CDK11B: variants seen among roughly 807,000 people sequenced by gnomAD.
CDK11B encodes cyclin-dependent kinase 11B.
Under a neutral mutation model 84.0 loss-of-function variants are expected in CDK11B, and 37 were observed. That is an observed-to-expected ratio of 0.44 (90% CI 0.34 to 0.58). The LOEUF is 0.58. Among genes scored for constraint, CDK11B ranks in the 20% least tolerant of loss-of-function variants. The pLI is 0.02. For missense variants in CDK11B, 427 were observed against 834.0 expected (o/e 0.51, Z 6.01); for synonymous variants, 269 against 309.8 (o/e 0.87, Z 1.38).
In CDK11B at chr1:1,650,664, CTTTT is replaced by C. The variant is rs1185570412; in HGVS notation, c.356-1031_356-1028del. Among the ~76,000 whole-genome samples the C allele has an allele frequency of 1.1e-3, 129 of 114,992 alleles. 1 individual carries two copies. The highest frequency in any genetic ancestry group is 9.7e-3 in the Middle Eastern group (2 of 206). 75.4% of individuals were successfully genotyped at this position (114,992 alleles called of 152,430 possible). On this transcript the variant is annotated intron_variant, in intron 4 of 19. Transcript: ENST00000341832. Reference sequence around the variant, plus strand: ...ACAGTTGTGAGCCACCGCGCCCGGCCTTTTTTTTTTTTTTTTTTTTTTTTAAAGA... The same window carrying C: ...ACAGTTGTGAGCCACCGCGCCCGGCCTTTTTTTTTTTTTTTTTTTTAAAGA...
At chr1:1,654,169 T>C (rs1642410579) in intron 3 of CDK11B, 1 of 464,018 alleles carries the variant, frequency 2.2e-6, no homozygotes, top group African/African-American at 2.0e-5. Flanking sequence ...TTTCCTTTAA[T>C]TACTAATACC....
rs1272119556 is a variant in CDK11B at position 1,635,486 on chromosome 1, G to A, written c.*278C>T. ...CGGCCCAGCCAGCCCCGTGCGTGTC[G>A]AGAGTGGGAGAGGGTGTGTGGAGGT... On this transcript the variant is annotated 3_prime_UTR_variant, in exon 20 of 20. Transcript: ENST00000341832. The A allele has an allele frequency of 2.5e-5, 9 of 353,662 alleles. 2 individuals carry two copies. Among genetic ancestry groups the A allele is most frequent in the Admixed American group, 4.5e-5 (1 of 22,304 alleles). The allele number at this position is 353,662 out of a possible 1,614,324, so 21.9% of individuals were successfully genotyped here.
At position 1,636,883 on chromosome 1, in the gene CDK11B, C is replaced by T. The variant is rs757601275; in HGVS notation, c.1800+14G>A. The T allele has an allele frequency of 6.9e-5, 111 of 1,608,416 alleles. No individual in the cohort carries two copies. The East Asian group carries it at 2.2e-3, about 32-fold the overall frequency. ...GTGGGGGACAGGGGAGGCACTCAGA[C>T]GCCCAGGACTCACCTTGGCACCAAG... On this transcript the variant is annotated intron_variant, in intron 16 of 19. Transcript: ENST00000341832.
At position 1,640,520 on chromosome 1, in the gene CDK11B, G is replaced by A. The variant is rs1640119662; in HGVS notation, c.1076-68C>T. The stretch of plus-strand genomic sequence containing the variant: ...GATCATGAACCTCCTCCTGCCCCGG[G>A]GGCATCAAGCGCGTGGCAGGGCTGC... On this transcript the variant is annotated intron_variant, in intron 10 of 19. Coordinates refer to ENST00000341832, the MANE Select transcript of CDK11B (RefSeq NM_033486.3). The A allele has an allele frequency of 2.5e-6, 4 of 1,610,608 alleles. No individual in the cohort carries two copies. The African/African-American group carries it at 4.0e-5, about 16-fold the overall frequency.
Position 1,648,767 on chromosome 1 carries a change from A to G in CDK11B, c.494+732T>C, listed in dbSNP as rs371105865. Among the ~76,000 whole-genome samples, 403 of 152,226 alleles carry G rather than the reference A, an allele frequency of 2.6e-3. 7 individuals are homozygous for G. The highest frequency in any genetic ancestry group is 8.8e-3 in the African/African-American group (366 of 41,528). ...AATTCCAGACTGTTTCAAGGTTTTT[A>G]GGATCTCCCTTCTCCTTTTTTTGAG... is the stretch of plus-strand genomic sequence containing the variant. On this transcript the variant is annotated intron_variant, in intron 5 of 19. Transcript: ENST00000341832.
At chr1:1,656,646 T>G (rs1266312524) in intron 2 of CDK11B, among the ~76,000 whole-genome samples, 1 of 151,992 alleles carries the variant, frequency 6.6e-6, no homozygotes, top group African/African-American at 2.4e-5. Flanking sequence ...AAAAATTAGC[T>G]TGGCATGTTG....
At chr1:1,657,163 T>A (rs1259341803) in intron 2 of CDK11B, 1 of 1,589,766 alleles carries the variant, frequency 6.3e-7, no homozygotes, top group Non-Finnish European at 8.6e-7. Context: ...GTATGCTCAA[T>A]CTAGACACAG....
chr1:1,653,825 TACACACACAC>T (rs782129056), intron 3 of CDK11B, among the ~76,000 whole-genome samples: 33 of 121,876 alleles, frequency 2.7e-4, no homozygotes, highest in South Asian at 5.7e-4. Context: ...CTACTAAAAA[TACACACACAC>T]ACACACACAC....
intron 3 of CDK11B, among the ~76,000 whole-genome samples, chr1:1,653,825 TACACACACACAC>T (rs782129056): frequency 4.1e-5 from 5 of 121,844 alleles, no homozygotes; most frequent in Non-Finnish European, 6.4e-5. Context: ...CTACTAAAAA[TACACACACACAC>T]ACACACACAC....
chr1:1,650,710 A>T, intron 4 of CDK11B, among the ~76,000 whole-genome samples: 1 of 125,672 alleles, frequency 8.0e-6, no homozygotes. Flanking sequence ...GTCTCGCTAT[A>T]TTGGCCAGGC....
Position 1,640,371 on chromosome 1 carries a change from C to T in CDK11B, c.1157G>A (p.Ser386Asn). The change falls in exon 11 of 20, where the codon AGC becomes AAC. Residue 386 changes from serine to asparagine, a missense_variant. Around this residue, in one of 12 missense-constraint regions of CDK11B, gnomAD observed 43 missense variants for 61.8 expected, o/e 0.70. Coordinates refer to ENST00000341832, the MANE Select transcript of CDK11B (RefSeq NM_033486.3). ...CACATAGTCGCCCTCTGTCAGGGCG[C>T]TGCTCTGCGGCGTTCCCTCACCCAC... ...EEVGEGTPQS[S>N]ALTEGDYVPD... is the part of the protein sequence containing the mutation. 6.2e-7 allele frequency: 1 copy of T among 1,613,732 alleles called. No homozygotes were observed. The highest frequency in any genetic ancestry group is 8.5e-7 in the Non-Finnish European group (1 of 1,179,664).
intron 2 of CDK11B, among the ~76,000 whole-genome samples, chr1:1,656,433 G>C (rs567471691): frequency 2.6e-5 from 4 of 152,146 alleles, no homozygotes; most frequent in Non-Finnish European, 5.9e-5. Flanking sequence ...AGAGGTGGCA[G>C]TTAGCTGAGA....
chr1:1,655,331 T>C (rs1642602467), intron 3 of CDK11B, 38 bp downstream of exon 3: 2 of 1,607,704 alleles, frequency 1.2e-6, no homozygotes, highest in Non-Finnish European at 1.7e-6. Flanking sequence ...GCCAGGGCTG[T>C]GTACAGCTGG....
At chr1:1,657,842 C>CT (rs1570267170) in intron 1 of CDK11B, among the ~76,000 whole-genome samples, 1 of 119,592 alleles carries the variant, frequency 8.4e-6, no homozygotes, top group East Asian at 2.3e-4. Flanking sequence ...GAGGTCAAGG[C>CT]TGCAATGAGC....
chr1:1,653,913 G>T (rs1389270809), intron 3 of CDK11B, among the ~76,000 whole-genome samples: 1 of 151,424 alleles, frequency 6.6e-6, no homozygotes, highest in Non-Finnish European at 1.5e-5. Context: ...GGAGTCTGAG[G>T]CAGGAGACTC....
rs538011482 is a variant in CDK11B, at chr1:1,640,406, T to C, written c.1122A>G (p.Ala374=). ...FDRDSGESEE[A]EEEVGEGTPQ... Reference sequence around the variant, plus strand: ...GCGTTCCCTCACCCACTTCTTCCTCTGCTTCTTCACTCTCCCCGGAATCTC... The same window carrying C: ...GCGTTCCCTCACCCACTTCTTCCTCCGCTTCTTCACTCTCCCCGGAATCTC... The change falls in exon 11 of 20, where the codon GCA becomes GCG. Residue 374 remains alanine, a synonymous_variant. Coordinates refer to ENST00000341832, the MANE Select transcript of CDK11B (RefSeq NM_033486.3). 10 of 1,613,682 alleles carry C rather than the reference T, an allele frequency of 6.2e-6. No individual in the cohort carries two copies. In the Admixed American group the frequency reaches 1.7e-4, roughly 27 times the overall value.
At chr1:1,650,391 A>C (rs1376622463) in intron 4 of CDK11B, among the ~76,000 whole-genome samples, 3 of 118,672 alleles carry the variant, frequency 2.5e-5, no homozygotes, top group African/African-American at 3.5e-5. Context: ...TTGGAGATGG[A>C]GTCTTGCTCT....
intron 11 of CDK11B, 107 bp downstream of exon 11, chr1:1,640,170 C>T: frequency 7.9e-7 from 1 of 1,265,254 alleles, no homozygotes; most frequent in Non-Finnish European, 1.1e-6. Context: ...GGCCCAGCAG[C>T]CCTGTGAGGC....
chr1:1,652,437 A>G lies in CDK11B; in HGVS notation c.355+2T>C. The G allele has an allele frequency of 1.3e-6, 2 of 1,492,920 alleles. No individual in the cohort carries two copies. The highest frequency in any genetic ancestry group is 1.8e-6 in the Non-Finnish European group (2 of 1,130,316). 92.5% of individuals were successfully genotyped at this position (1,492,920 alleles called of 1,614,324 possible). ...TGTCAAAGAAAGTAAATGCTTCTGTACCCCCTTCTGCTGAATGGCTACGAT... is the reference window on the plus strand; with the variant it reads ...TGTCAAAGAAAGTAAATGCTTCTGTGCCCCCTTCTGCTGAATGGCTACGAT... On this transcript the variant is annotated splice_donor_variant, in intron 4 of 19. Transcript: ENST00000341832. LOFTEE classifies it high-confidence loss of function.
Sources: gnomAD v4.1 joint callset for allele counts (sites outside exome capture counted in the v4.1 genomes callset) on GRCh38, gnomAD v4.1.1 for gene constraint, gnomAD v4.1.1 regional missense constraint, MANE v1.5 for transcripts, NCBI Gene and HGNC (gene_info 2026-07-23, HGNC 2026-07-21) for gene names.